Variants in CYP4F8 observed in about 807,000 individuals in gnomAD.
CYP4F8 encodes cytochrome P450 family 4 subfamily F member 8.
CYP4F8 carries 56 observed loss-of-function variants against 55.0 expected under a neutral mutation model. The observed-to-expected ratio is 1.02, with a 90% CI of 0.82 to 1.27. The LOEUF is 1.27. Among genes scored for constraint, CYP4F8 ranks in the 50% most tolerant of loss-of-function variants. The pLI, the probability that CYP4F8 is intolerant of heterozygous loss-of-function variation, is 0.00. For synonymous variants in CYP4F8, 288 were observed against 267.3 expected, an observed-to-expected ratio of 1.08 and a Z score of -0.76; for missense variants, 680 against 682.4, an observed-to-expected ratio of 1.00 and a Z score of 0.04.
At chr19:15,625,485 G>A (rs1296857782) in intron 9 of CYP4F8, among the ~76,000 whole-genome samples, 2 of 150,244 alleles carry the variant, frequency 1.3e-5, no homozygotes, top group African/African-American at 4.9e-5. Flanking sequence ...GCCTATCTTA[G>A]GCATGTATGT....
intron 3 of CYP4F8, 160 bp from the exon 4 acceptor site, chr19:15,619,330 A>T: frequency 1.4e-6 from 1 of 739,916 alleles, no homozygotes; most frequent in Non-Finnish European, 2.2e-6. Context: ...GGTCCCCTTT[A>T]TGCCCCCCAC....
At chr19:15,623,812 C>T in intron 8 of CYP4F8, 47 bp downstream of exon 8, 1 of 1,610,064 alleles carries the variant, frequency 6.2e-7, no homozygotes, top group South Asian at 1.1e-5. Flanking sequence ...GGTCTCTCCA[C>T]TCCAGGGAAG....
chr19:15,619,492 G>A lies in CYP4F8; in HGVS notation c.346G>A (p.Ala116Thr). 1 of 1,614,120 alleles carries A rather than the reference G, an allele frequency of 6.2e-7. No individual in the cohort carries two copies. Among genetic ancestry groups the A allele is most frequent in the Non-Finnish European group, 8.5e-7 (1 of 1,179,992 alleles). ...IVRSVINTSDAITDKDIVFYK... is the reference protein window; with the variant it reads ...IVRSVINTSDTITDKDIVFYK... ...CTGATGGTCCTCATTCATGTCAGAT[G>A]CCATTACAGACAAGGACATAGTCTT... Residue 116 changes from alanine (A) to threonine (T), a missense_variant and splice_region_variant, in exon 4 of 13, where the codon GCC becomes ACC. Coordinates refer to ENST00000612078, the MANE Select transcript of CYP4F8 (RefSeq NM_007253.4).
intron 6 of CYP4F8, among the ~76,000 whole-genome samples, chr19:15,622,583 G>T (rs946618582): frequency 6.6e-6 from 1 of 152,226 alleles, no homozygotes; most frequent in Admixed American, 6.5e-5. Flanking sequence ...GCAACAGGCA[G>T]TTGGGAGACA....
In CYP4F8 at chr19:15,619,702, C is replaced by T. The variant is rs1350223664; in HGVS notation, c.465C>T (p.Phe155=). ...RHHRRLLTPA[F]HFNILKPYIK... ...ACCGTCGCTTGCTGACGCCTGCCTT[C>T]CATTTCAACATCCTGAAGCCCTATA... Residue 155 remains phenylalanine (F), a synonymous_variant, in exon 5 of 13, where the codon TTC becomes TTT. Transcript: ENST00000612078. 1 of 1,614,168 alleles carries T rather than the reference C, an allele frequency of 6.2e-7. No homozygotes were observed. The highest frequency in any genetic ancestry group is 8.5e-7 in the Non-Finnish European group (1 of 1,180,030).
At chr19:15,625,865 C>G (rs1202424517) in intron 9 of CYP4F8, among the ~76,000 whole-genome samples, 1 of 152,170 alleles carries the variant, frequency 6.6e-6, no homozygotes, top group Non-Finnish European at 1.5e-5. Context: ...AGTATGATTA[C>G]AAAATGGTGG....
At chr19:15,627,347 A>T (rs1972275602) in intron 9 of CYP4F8, 1 of 151,852 alleles carries the variant, frequency 6.6e-6, no homozygotes, top group African/African-American at 2.4e-5. Context: ...GGTGGTGCAC[A>T]CCTGTAATCC....
At chr19:15,623,401 A>C (rs1210011306) in intron 7 of CYP4F8, 26 bp downstream of exon 7, 2 of 1,609,206 alleles carry the variant, frequency 1.2e-6, no homozygotes, top group African/African-American at 2.7e-5. Context: ...ATCTGAATTC[A>C]AGAGGTAAAA....
chr19:15,625,649 T>G (rs1972253607), intron 9 of CYP4F8, among the ~76,000 whole-genome samples: 1 of 151,994 alleles, frequency 6.6e-6, no homozygotes, highest in South Asian at 2.1e-4. Context: ...TCCCTCGAGT[T>G]CCTATTTTTT....
Position 15,623,386 on chromosome 19 carries a change from CTG to C in CYP4F8, c.918+12_918+13del. ...CTCCTGCTGAGCGAGGTGGGCCTCT[CTG>C]GGATCTGAATTCAAGAGGTAAAATG... On this transcript the variant is annotated intron_variant, in intron 7 of 12. Transcript: ENST00000612078. 3.7e-6 allele frequency: 6 copies of C among 1,611,958 alleles called. No individual in the cohort carries two copies. Among genetic ancestry groups the C allele is most frequent in the Non-Finnish European group, 5.1e-6 (6 of 1,178,302 alleles).
chr19:15,626,476 C>T (rs1384595778), intron 9 of CYP4F8, among the ~76,000 whole-genome samples: 3 of 152,228 alleles, frequency 2.0e-5, no homozygotes, highest in African/African-American at 7.2e-5. Flanking sequence ...CGCATCTCCT[C>T]TTACATTTCT....
chr19:15,623,848 A>C (rs1442876737), intron 8 of CYP4F8, 83 bp downstream of exon 8: 6 of 1,598,534 alleles, frequency 3.8e-6, no homozygotes, highest in Non-Finnish European at 5.1e-6. Flanking sequence ...GAATCACTTC[A>C]TTCTGCCCAA....
chr19:15,618,476 A>G, intron 3 of CYP4F8: 1 of 411,226 alleles, frequency 2.4e-6, no homozygotes, highest in Non-Finnish European at 4.6e-6. Context: ...AGAATGGGCC[A>G]GGAGGAGATA....
chr19:15,628,497 G>A (rs752504991), intron 10 of CYP4F8, 34 bp from the exon 11 acceptor site: 1 of 1,613,462 alleles, frequency 6.2e-7, no homozygotes, highest in Non-Finnish European at 8.5e-7. Flanking sequence ...AGGCAGCTCG[G>A]ACCTTGTTCT....
chr19:15,618,843 T>G, intron 3 of CYP4F8: 1 of 175,348 alleles, frequency 5.7e-6, no homozygotes, highest in African/African-American at 2.4e-5. Context: ...GCCCCAGGAA[T>G]CTCCAATAGG....
At chr19:15,618,812 T>C (rs4646525) in intron 3 of CYP4F8, 87,018 of 183,942 alleles carry the variant, frequency 0.47, 21,542 homozygotes, top group Non-Finnish European at 0.54. Flanking sequence ...CCACCATATG[T>C]TCATTGCCCT....
chr19:15,627,965 G>A (rs1004535972), intron 9 of CYP4F8: 20 of 269,458 alleles, frequency 7.4e-5, no homozygotes, highest in Non-Finnish European at 1.3e-4. Context: ...CACCATGTTG[G>A]TCAGGCTGGT....
rs534217665 is a variant in CYP4F8, at chr19:15,623,683, G to A, written c.919-16G>A. 38 of 1,613,946 alleles carry A rather than the reference G, an allele frequency of 2.4e-5. No individual in the cohort carries two copies. In the African/African-American group the frequency reaches 4.8e-4, roughly 20 times the overall value. On this transcript the variant is annotated splice_polypyrimidine_tract_variant and intron_variant, in intron 7 of 12. Transcript: ENST00000612078. ...AGTGACCCCAGAACTAGTGTGATTG[G>A]GGTTCTTGTCTCCAGGATAAAAATG... is the stretch of plus-strand genomic sequence containing the variant.
intron 6 of CYP4F8, chr19:15,622,679 A>G (rs1972209896): frequency 2.7e-6 from 1 of 365,064 alleles, no homozygotes; most frequent in South Asian, 2.8e-5. Flanking sequence ...ATTTTATCCA[A>G]GGTTCCTAAG....
Sources: allele counts gnomAD v4.1 joint callset (sites outside exome capture counted in the v4.1 genomes callset), GRCh38; gene constraint gnomAD v4.1.1; transcripts MANE v1.5; gene names NCBI Gene and HGNC (gene_info 2026-07-23, HGNC 2026-07-21).